Variants in ACOT9 observed in about 807,000 individuals in gnomAD.
The protein encoded by ACOT9 is acyl-CoA thioesterase 9.
In ACOT9, 34 loss-of-function variants were observed where a neutral mutation model predicts 39.7. The ratio of observed to expected loss-of-function variants is 0.86; its 90% CI spans 0.65 to 1.14. ACOT9 has a LOEUF of 1.14. ACOT9 is among the 50% of genes most tolerant of loss of function. The pLI, the probability that ACOT9 is intolerant of heterozygous loss-of-function variation, is 0.00. For missense variants in ACOT9, 313 were observed against 344.1 expected, an observed-to-expected ratio of 0.91 and a Z score of 0.71; for synonymous variants, 110 against 120.5, an observed-to-expected ratio of 0.91 and a Z score of 0.57.
intron 1 of ACOT9, among the ~76,000 whole-genome samples, chrX:23,738,444 A>G (rs1220769926): frequency 2.8e-5 from 3 of 107,940 alleles, no homozygotes; most frequent in Non-Finnish European, 5.8e-5. Flanking sequence ...CCCTATCTCT[A>G]TTAAAAACAT....
At chrX:23,730,704 C>A in intron 5 of ACOT9, 112 bp downstream of exon 5, 1 of 969,047 alleles carries the variant, frequency 1.0e-6, no homozygotes, top group South Asian at 2.3e-5. Context: ...TATATCAAAA[C>A]CATGGAACTG....
At chrX:23,712,405 TAAAA>T (rs57718217) in intron 9 of ACOT9, among the ~76,000 whole-genome samples, 2 of 72,666 alleles carry the variant, frequency 2.8e-5, no homozygotes, top group Non-Finnish European at 4.9e-5. Context: ...AACTCCATCT[TAAAA>T]AAAAAAAAAA....
At position 23,734,400 on chromosome X, in the gene ACOT9, C is replaced by T. The variant is rs772039105; in HGVS notation, c.119-33G>A. 1.3e-5 allele frequency: 14 copies of T among 1,112,109 alleles called. No homozygotes were observed. In the South Asian group the frequency reaches 2.5e-4, roughly 20 times the overall value. The allele number at this position is 1,112,109 out of a possible 1,213,427, so 91.7% of individuals were successfully genotyped here. A position where few individuals can be genotyped will look rare whatever the true frequency, so the allele number is the denominator to read the frequency against. On this transcript the variant is annotated intron_variant, in intron 2 of 15. Coordinates refer to ENST00000379303, the MANE Select transcript of ACOT9 (RefSeq NM_001037171.2). ...AATAAAGGGAAAATCAATTAGAGAA[C>T]CAGCAATAATTCAAAACTAAAAGAT...
intron 1 of ACOT9, among the ~76,000 whole-genome samples, chrX:23,739,151 G>A (rs377480917): frequency 6.2e-4 from 69 of 111,092 alleles, no homozygotes; most frequent in African/African-American, 2.2e-3. Flanking sequence ...CCAGCTACTC[G>A]GGAGTCTGAG....
intron 7 of ACOT9, among the ~76,000 whole-genome samples, chrX:23,722,306 GT>G (rs1929345448): frequency 8.9e-6 from 1 of 111,903 alleles, no homozygotes; most frequent in Non-Finnish European, 1.9e-5. Context: ...GCTCATGCCT[GT>G]AATCCCAGCA....
At chrX:23,715,109 C>G (rs1569191997) in intron 8 of ACOT9, among the ~76,000 whole-genome samples, 1 of 111,363 alleles carries the variant, frequency 9.0e-6, no homozygotes, top group African/African-American at 3.3e-5. Context: ...CTGCCCTATT[C>G]AAACCTTTCA....
At chrX:23,711,036 G>A (rs771311066) in intron 9 of ACOT9, among the ~76,000 whole-genome samples, 4 of 110,235 alleles carry the variant, frequency 3.6e-5, no homozygotes, top group Non-Finnish European at 5.7e-5. Flanking sequence ...AAAAAAAAAC[G>A]GGCTGGGCGA....
At chrX:23,715,518 T>C (rs1929045935) in intron 8 of ACOT9, among the ~76,000 whole-genome samples, 1 of 109,411 alleles carries the variant, frequency 9.1e-6, no homozygotes, top group Non-Finnish European at 1.9e-5. Flanking sequence ...AAATACAGAG[T>C]GGTTTTTGTT....
chrX:23,712,952 G>A (rs1928951262), intron 9 of ACOT9, among the ~76,000 whole-genome samples, 183 bp downstream of exon 9: 1 of 112,162 alleles, frequency 8.9e-6, no homozygotes. Flanking sequence ...AAAGATGCCC[G>A]AAGTATTTAA....
chrX:23,730,782 T>A, intron 5 of ACOT9, 34 bp downstream of exon 5: 1 of 1,149,431 alleles, frequency 8.7e-7, no homozygotes, highest in African/African-American at 1.8e-5. Flanking sequence ...AACAAGGAAA[T>A]AAAAACAAAT....
Position 23,721,578 on chromosome X carries a change from C to A in ACOT9, c.588+303G>T, listed in dbSNP as rs1364485402. ...AATGAATACAGTAATCAATTCCATT[C>A]ACTCCTACCATAACACAGACTTCTG... On this transcript the variant is annotated intron_variant, in intron 8 of 15. Coordinates refer to ENST00000379303, the MANE Select transcript of ACOT9 (RefSeq NM_001037171.2). Among the ~76,000 whole-genome samples, 3 of 112,025 alleles carry A rather than the reference C, an allele frequency of 2.7e-5. No homozygotes were observed. In the East Asian group the frequency reaches 8.3e-4, roughly 31 times the overall value.
chrX:23,709,170 A>T (rs1474295533), intron 9 of ACOT9, among the ~76,000 whole-genome samples: 1 of 111,620 alleles, frequency 9.0e-6, no homozygotes, highest in African/African-American at 3.3e-5. Context: ...AGGCAGGTGG[A>T]TCACCTAAGG....
intron 6 of ACOT9, among the ~76,000 whole-genome samples, chrX:23,729,913 G>A (rs960303423): frequency 9.0e-6 from 1 of 111,201 alleles, no homozygotes; most frequent in Non-Finnish European, 1.9e-5. Context: ...TTATAGGCGT[G>A]AGCCACCGCG....
At chrX:23,716,217 C>T (rs1037338405) in intron 8 of ACOT9, among the ~76,000 whole-genome samples, 3 of 111,755 alleles carry the variant, frequency 2.7e-5, no homozygotes, top group South Asian at 3.7e-4. Context: ...AGCCAGAGCA[C>T]GAGAATTTCA....
At chrX:23,727,154 T>C (rs1929561548) in intron 6 of ACOT9, among the ~76,000 whole-genome samples, 1 of 112,192 alleles carries the variant, frequency 8.9e-6, no homozygotes, top group African/African-American at 3.2e-5. Context: ...ACCTTGAATA[T>C]GTTTATAACT....
At chrX:23,713,438 G>T (rs1285674867) in intron 8 of ACOT9, among the ~76,000 whole-genome samples, 1 of 109,358 alleles carries the variant, frequency 9.1e-6, no homozygotes, top group Admixed American at 9.9e-5. Context: ...AATTAGCAGG[G>T]TGTGGTGGCG....
At chrX:23,713,297 G>A in intron 8 of ACOT9, 89 bp from the exon 9 acceptor site, 5 of 742,602 alleles carry the variant, frequency 6.7e-6, no homozygotes, top group Non-Finnish European at 1.0e-5. Flanking sequence ...ATGTATGCTG[G>A]CCAGGTGCAG....
In ACOT9 at chrX:23,726,396, G is replaced by A. The variant is rs935615207; in HGVS notation, c.401-3643C>T. 3.6e-5 allele frequency among the ~76,000 whole-genome samples: 4 copies of A among 110,323 alleles called. No homozygotes were observed. In the South Asian group the frequency reaches 1.1e-3, roughly 32 times the overall value. On this transcript the variant is annotated intron_variant, in intron 6 of 15. Transcript: ENST00000379303. ...ACCAAAGCCCAAGGATGGGCTGGAC[G>A]ATATAAGAAGCCACAAAGGGGTCAG...
chrX:23,731,035 A>G (rs766794227), intron 4 of ACOT9, 49 bp from the exon 5 acceptor site: 1 of 1,092,268 alleles, frequency 9.2e-7, no homozygotes, highest in Non-Finnish European at 1.2e-6. Context: ...GTTCTAGCCC[A>G]CAATTCCAGT....
Sources: gnomAD v4.1 joint callset for allele counts (sites outside exome capture counted in the v4.1 genomes callset) on GRCh38, gnomAD v4.1.1 for gene constraint, MANE v1.5 for transcripts, NCBI Gene and HGNC (gene_info 2026-07-23, HGNC 2026-07-21) for gene names.